Variants in IPO8 observed in about 807,000 individuals in gnomAD.
The protein encoded by IPO8 is importin 8.
A neutral mutation model predicts 141.2 loss-of-function variants in IPO8; 65 were observed. The ratio of observed to expected loss-of-function variants is 0.46; its 90% CI spans 0.38 to 0.57. The LOEUF (loss-of-function observed/expected upper bound fraction) is 0.57, where lower values mean the gene tolerates loss of function less well. Ranked by LOEUF, IPO8 falls within the 20% of genes least tolerant of loss-of-function variation. The pLI is 0.00. For missense variants in IPO8, 980 were observed against 1,246.8 expected (o/e 0.79, Z 3.22); for synonymous variants, 411 against 420.3 (o/e 0.98, Z 0.27).
intron 20 of IPO8, among the ~76,000 whole-genome samples, chr12:30,644,670 G>A (rs61922845): frequency 1.4e-5 from 2 of 145,298 alleles, no homozygotes; most frequent in Non-Finnish European, 3.0e-5. Flanking sequence ...TTTTTTTTTG[G>A]AGACAGAGGA....
chr12:30,645,372 C>CAAA (rs776070329), intron 20 of IPO8, among the ~76,000 whole-genome samples: 1 of 99,148 alleles, frequency 1.0e-5, no homozygotes. Context: ...GACTTCATCT[C>CAAA]AAAAAAAAAA....
chr12:30,642,631 T>C lies in IPO8; in HGVS notation c.2269-2896A>G, dbSNP rs146429993. Among the ~76,000 whole-genome samples the C allele has an allele frequency of 3.0e-3, 451 of 151,206 alleles. 3 individuals are homozygous for C. Among genetic ancestry groups the C allele is most frequent in the African/African-American group, 0.011 (434 of 41,306 alleles). ...TAATTATCAATTTATTAATACGATATATAAATAGTACATATTATATATATA... is the reference window on the plus strand; with the variant it reads ...TAATTATCAATTTATTAATACGATACATAAATAGTACATATTATATATATA... On this transcript the variant is annotated intron_variant, in intron 20 of 24. Coordinates refer to ENST00000256079, the MANE Select transcript of IPO8 (RefSeq NM_006390.4).
intron 2 of IPO8, 131 bp downstream of exon 2, chr12:30,690,365 C>A: frequency 3.3e-6 from 2 of 604,684 alleles, no homozygotes; most frequent in East Asian, 3.4e-5. Context: ...GTTTTGAAGT[C>A]ACTGGAAATA....
intron 20 of IPO8, among the ~76,000 whole-genome samples, chr12:30,642,229 A>T (rs11051008): frequency 0.21 from 31,680 of 151,980 alleles, 3,501 homozygotes; most frequent in East Asian, 0.3. Context: ...AAATCTGTGC[A>T]TATTAGAGTA....
At chr12:30,689,639 A>G (rs753474448) in intron 2 of IPO8, among the ~76,000 whole-genome samples, 8 of 152,174 alleles carry the variant, frequency 5.3e-5, no homozygotes, top group South Asian at 2.1e-4. Flanking sequence ...CAGCATGTAG[A>G]TTATGACCCA....
In IPO8 at chr12:30,663,589, G is replaced by A. The variant is rs200366385; in HGVS notation, c.1494C>T (p.Ala498=). 9.3e-6 allele frequency: 15 copies of A among 1,613,066 alleles called. No homozygotes were observed. Among genetic ancestry groups the A allele is most frequent in the East Asian group, 4.5e-5 (2 of 44,862 alleles). ...TCAGGCTCTTCTTCGCTAATTCAAC[G>A]GCATTTCTTAGATTGAGCTCATTAT... ...KFHNELNLRN[A]VELAKKSLIE... Residue 498 remains alanine, a synonymous_variant, in exon 14 of 25, where the codon GCC becomes GCT. Transcript: ENST00000256079.
chr12:30,630,739 A>G lies in IPO8; in HGVS notation c.*121T>C. 1.4e-6 allele frequency: 1 copy of G among 717,064 alleles called. No homozygotes were observed. The highest frequency in any genetic ancestry group is 2.4e-6 in the Non-Finnish European group (1 of 415,266). The allele number at this position is 717,064 out of a possible 1,614,324, so 44.4% of individuals were successfully genotyped here. ...AGATAAAAGTGCTGCCTAATGCCAG[A>G]TGGTAACTGGCACAGCAGGAGGGCC... On this transcript the variant is annotated 3_prime_UTR_variant, in exon 25 of 25. Coordinates refer to ENST00000256079, the MANE Select transcript of IPO8 (RefSeq NM_006390.4).
intron 2 of IPO8, chr12:30,686,630 G>C (rs1324787179): frequency 6.6e-6 from 1 of 152,146 alleles, no homozygotes; most frequent in Admixed American, 6.5e-5. Flanking sequence ...TTACAGGCAT[G>C]AACACCCAGC....
chr12:30,690,448 C>T (rs1176865501), intron 2 of IPO8, 48 bp downstream of exon 2: 1 of 1,039,810 alleles, frequency 9.6e-7, no homozygotes. Context: ...AACTCTCATT[C>T]TACTCTCACC....
chr12:30,631,332 G>A (rs923238124), intron 24 of IPO8, among the ~76,000 whole-genome samples: 3 of 152,166 alleles, frequency 2.0e-5, no homozygotes, highest in East Asian at 1.9e-4. Flanking sequence ...AACTCTAGAT[G>A]TCTAGTTTGC....
At position 30,671,103 on chromosome 12, in the gene IPO8, G is replaced by T; in HGVS notation, c.910-7C>A. ...CTAAAATTTTTAGTAGCACCTATAA[G>T]AAAACAGAAAATACAGACTAACATA... On this transcript the variant is annotated splice_region_variant and splice_polypyrimidine_tract_variant and intron_variant, in intron 8 of 24. Coordinates refer to ENST00000256079, the MANE Select transcript of IPO8 (RefSeq NM_006390.4). The T allele has an allele frequency of 6.4e-7, 1 of 1,552,978 alleles. No individual in the cohort carries two copies. The highest frequency in any genetic ancestry group is 8.9e-7 in the Non-Finnish European group (1 of 1,126,502).
chr12:30,651,207 C>T (rs2052722463), intron 19 of IPO8, among the ~76,000 whole-genome samples: 2 of 151,988 alleles, frequency 1.3e-5, no homozygotes, highest in South Asian at 4.1e-4. Flanking sequence ...GAAGACTGCC[C>T]GGTGATTATG....
chr12:30,669,419 A>T (rs2053016875), intron 9 of IPO8, 137 bp from the exon 10 acceptor site: 1 of 490,608 alleles, frequency 2.0e-6, no homozygotes, highest in Non-Finnish European at 3.6e-6. Context: ...TGTCAAGTCG[A>T]GGTTATATTT....
At chr12:30,674,144 A>T in intron 7 of IPO8, 70 bp from the exon 8 acceptor site, 1 of 978,040 alleles carries the variant, frequency 1.0e-6, no homozygotes, top group Non-Finnish European at 1.6e-6. Context: ...AATAATTTAA[A>T]TATAGTCGCT....
intron 10 of IPO8, 51 bp from the exon 11 acceptor site, chr12:30,666,302 T>A: frequency 7.4e-7 from 1 of 1,359,420 alleles, no homozygotes; most frequent in Non-Finnish European, 1.0e-6. Flanking sequence ...AATTACTTAT[T>A]CTAGATTTTA....
intron 21 of IPO8, among the ~76,000 whole-genome samples, chr12:30,637,519 T>A (rs963370114): frequency 6.6e-6 from 1 of 152,188 alleles, no homozygotes; most frequent in African/African-American, 2.4e-5. Context: ...ATAAAAGTCC[T>A]ATACAATGGT....
At chr12:30,639,483 G>C in intron 21 of IPO8, 32 bp downstream of exon 21, 1 of 1,442,552 alleles carries the variant, frequency 6.9e-7, no homozygotes, top group Non-Finnish European at 9.8e-7. Context: ...TCCAGAAACA[G>C]AAAAGCAGTG....
chr12:30,666,079 T>C (rs1054663953), intron 11 of IPO8, 96 bp downstream of exon 11: 3 of 843,672 alleles, frequency 3.6e-6, no homozygotes, highest in Non-Finnish European at 5.4e-6. Context: ...TTATAACGAA[T>C]AACAACATAA....
In IPO8 at chr12:30,663,606, G is replaced by A; in HGVS notation, c.1477C>T (p.Leu493Phe). 1.9e-6 allele frequency: 3 copies of A among 1,612,830 alleles called. No individual in the cohort carries two copies. The highest frequency in any genetic ancestry group is 1.3e-5 in the African/African-American group (1 of 74,998). The change falls in exon 14 of 25, where the codon CTC becomes TTC. Residue 493 changes from leucine (L) to phenylalanine (F), a missense_variant. Physicochemically the swap from Leu to Phe is conservative, Grantham distance 22 (BLOSUM62 0). This residue lies in a region of IPO8 where 924 missense variants were observed against 1,153.9 expected (regional missense o/e 0.80). Coordinates refer to ENST00000256079, the MANE Select transcript of IPO8 (RefSeq NM_006390.4). The part of the protein sequence containing the change: ...AFSSLKFHNE[L>F]NLRNAVELAK... ...AATTCAACGGCATTTCTTAGATTGA[G>A]CTCATTATGGAACTTCAAAGAACTA...
Sources: allele counts gnomAD v4.1 joint callset (sites outside exome capture counted in the v4.1 genomes callset), GRCh38; gene constraint gnomAD v4.1.1; regional missense constraint gnomAD v4.1.1; transcripts MANE v1.5; gene names NCBI Gene and HGNC (gene_info 2026-07-23, HGNC 2026-07-21).